CBFB: variants seen among roughly 807,000 people sequenced by gnomAD.
CBFB encodes the protein CBF-beta.
CBFB carries 9 observed loss-of-function variants against 30.4 expected under a neutral mutation model. The observed-to-expected ratio is 0.30, with a 90% CI of 0.18 to 0.52. The LOEUF (loss-of-function observed/expected upper bound fraction) is 0.52. Among genes scored for constraint, CBFB ranks in the 20% least tolerant of loss-of-function variants. The pLI is 0.97. For synonymous variants in CBFB, 94 were observed against 84.0 expected (o/e 1.12, Z -0.65); for missense variants, 170 against 244.0 (o/e 0.70, Z 2.02).
intron 3 of CBFB, among the ~76,000 whole-genome samples, chr16:67,046,864 A>G (rs1383517542): frequency 1.3e-5 from 2 of 152,226 alleles, no homozygotes; most frequent in African/African-American, 4.8e-5. Context: ...CAGACAAGCT[A>G]AAGTATAATA....
At chr16:67,031,174 G>A (rs1182212255) in intron 2 of CBFB, among the ~76,000 whole-genome samples, 1 of 152,144 alleles carries the variant, frequency 6.6e-6, no homozygotes, top group Non-Finnish European at 1.5e-5. Context: ...AAGCTTTTTA[G>A]AGTTGTAATA....
At position 67,088,216 on chromosome 16, in the gene CBFB, A is replaced by G. The variant is rs560216984; in HGVS notation, c.495+5908A>G. Among the ~76,000 whole-genome samples, 3 of 152,286 alleles carry G rather than the reference A, an allele frequency of 2.0e-5. No homozygotes were observed. In the East Asian group the frequency reaches 5.8e-4, roughly 29 times the overall value. ...GGGGTTTGTGTGTCTTTTGGCACTT[A>G]GCGTGTATATATTTTGCTTCTTTGT... On this transcript the variant is annotated intron_variant, in intron 5 of 5. Transcript: ENST00000412916.
chr16:67,086,618 T>A (rs1309237913), intron 5 of CBFB, among the ~76,000 whole-genome samples: 1 of 152,224 alleles, frequency 6.6e-6, no homozygotes, highest in East Asian at 1.9e-4. Context: ...GAGAGCCTGC[T>A]ATGATAGTTC....
chr16:67,031,907 G>A (rs1440385205), intron 2 of CBFB, among the ~76,000 whole-genome samples: 2 of 151,334 alleles, frequency 1.3e-5, no homozygotes, highest in East Asian at 2.0e-4. Context: ...AGGCACTACA[G>A]CCTCAAACTT....
At chr16:67,084,211 CAAGAT>C (rs1478844122) in intron 5 of CBFB, among the ~76,000 whole-genome samples, 1 of 118,638 alleles carries the variant, frequency 8.4e-6, no homozygotes, top group Non-Finnish European at 1.8e-5. Flanking sequence ...CAAAAATAAT[CAAGAT>C]AAGAACTAAT....
At chr16:67,092,698 C>CTTTTTTTTTTTTTTTTT (rs777213321) in intron 5 of CBFB, among the ~76,000 whole-genome samples, 3 of 33,528 alleles carry the variant, frequency 8.9e-5, no homozygotes, top group African/African-American at 1.1e-4. Context: ...GTGGTGCAAT[C>CTTTTTTTTTTTTTTTTT]TTTTTTTTTT....
intron 4 of CBFB, among the ~76,000 whole-genome samples, chr16:67,078,935 T>G (rs1961480380): frequency 6.6e-6 from 1 of 152,152 alleles, no homozygotes; most frequent in African/African-American, 2.4e-5. Flanking sequence ...CTTGAGCTTA[T>G]AGGTGTGAGC....
At chr16:67,055,179 TA>T (rs1272010652) in intron 3 of CBFB, among the ~76,000 whole-genome samples, 1 of 151,908 alleles carries the variant, frequency 6.6e-6, no homozygotes, top group Non-Finnish European at 1.5e-5. Flanking sequence ...GAAACCAAAT[TA>T]AAATAATTAT....
intron 3 of CBFB, among the ~76,000 whole-genome samples, chr16:67,054,562 T>G (rs1353171590): frequency 6.6e-6 from 1 of 152,152 alleles, no homozygotes; most frequent in Non-Finnish European, 1.5e-5. Context: ...ATGACTTCCT[T>G]TCTTATATTT....
chr16:67,065,386 A>G (rs944326156), intron 3 of CBFB, among the ~76,000 whole-genome samples: 2 of 152,158 alleles, frequency 1.3e-5, no homozygotes, highest in East Asian at 3.8e-4. Flanking sequence ...CTTATTTTCG[A>G]TATTTCTCTA....
chr16:67,048,823 CT>C (rs559010433), intron 3 of CBFB, among the ~76,000 whole-genome samples: 33 of 85,866 alleles, frequency 3.8e-4, no homozygotes, highest in Middle Eastern at 8.1e-3. Flanking sequence ...TTTTTTTTTT[CT>C]TTTTTTTTTT....
At position 67,035,357 on chromosome 16, in the gene CBFB, T is replaced by C. The variant is rs538719711; in HGVS notation, c.166-1282T>C. Among the ~76,000 whole-genome samples, 21 of 152,328 alleles carry C rather than the reference T, an allele frequency of 1.4e-4. No homozygotes were observed. The South Asian group carries it at 4.4e-3, about 32-fold the overall frequency. On this transcript the variant is annotated intron_variant, in intron 2 of 5. Coordinates refer to ENST00000412916, the MANE Select transcript of CBFB (RefSeq NM_022845.3). ...GCCTTGCCTCCCAAAGGGCTGGGAT[T>C]ACGAGTGTGAACCACTGCTCCTGGC...
Position 67,100,675 on chromosome 16 carries a change from A to T in CBFB, c.*1897A>T, listed in dbSNP as rs947679208. 1.4e-5 allele frequency: 3 copies of T among 219,416 alleles called. No individual in the cohort carries two copies. The East Asian group carries it at 2.0e-4, about 15-fold the overall frequency. 13.6% of individuals were successfully genotyped at this position (219,416 alleles called of 1,614,324 possible). On this transcript the variant is annotated 3_prime_UTR_variant, in exon 6 of 6. Transcript: ENST00000412916. ...ACATGATGATGGTACATTTTCCTCT[A>T]TTGTCTAGCTAAGGGCTTTCGGTCC...
At chr16:67,067,143 A>C (rs1261031048) in intron 4 of CBFB, among the ~76,000 whole-genome samples, 2 of 151,958 alleles carry the variant, frequency 1.3e-5, no homozygotes, top group African/African-American at 4.8e-5. Context: ...GTGCTTTTGG[A>C]ATGCTTGAGT....
chr16:67,076,920 T>TTG (rs886453832), intron 4 of CBFB, among the ~76,000 whole-genome samples: 10 of 152,072 alleles, frequency 6.6e-5, no homozygotes, highest in African/African-American at 9.7e-5. Flanking sequence ...TTTTTTTTCA[T>TTG]TGTCAGCTTT....
intron 3 of CBFB, among the ~76,000 whole-genome samples, chr16:67,046,135 ATC>A (rs1966623511): frequency 7.5e-6 from 1 of 134,116 alleles, no homozygotes; most frequent in African/African-American, 2.8e-5. Flanking sequence ...GAAACTAGAT[ATC>A]TCTCTGTCAC....
chr16:67,052,577 TA>T lies in CBFB; in HGVS notation c.283-14092del, dbSNP rs751681152. On this transcript the variant is annotated intron_variant, in intron 3 of 5. Transcript: ENST00000412916. The stretch of plus-strand genomic sequence containing the variant: ...GGTGAAGGAGGGAGACCCTGTCTCT[TA>T]AAAAAAAAAAAATGCCTGCTAGACA... Among the ~76,000 whole-genome samples the T allele has an allele frequency of 5.6e-3, 795 of 143,240 alleles. 1 individual carries two copies. Among genetic ancestry groups the T allele is most frequent in the African/African-American group, 8.8e-3 (344 of 39,250 alleles). The allele number at this position is 143,240 out of a possible 152,430, so 94.0% of individuals were successfully genotyped here.
At chr16:67,045,642 C>A (rs1219203139) in intron 3 of CBFB, among the ~76,000 whole-genome samples, 2 of 152,170 alleles carry the variant, frequency 1.3e-5, no homozygotes, top group Admixed American at 1.3e-4. Context: ...CCCGTTTTCT[C>A]TTCTTTTGGA....
At chr16:67,089,692 T>C (rs996722576) in intron 5 of CBFB, among the ~76,000 whole-genome samples, 17 of 152,254 alleles carry the variant, frequency 1.1e-4, no homozygotes, top group African/African-American at 4.1e-4. Flanking sequence ...TGGGGGTGTT[T>C]TTACGGAACC....
Sources: gnomAD v4.1 joint callset for allele counts (sites outside exome capture counted in the v4.1 genomes callset) on GRCh38, gnomAD v4.1.1 for gene constraint, MANE v1.5 for transcripts, NCBI Gene and HGNC (gene_info 2026-07-23, HGNC 2026-07-21) for gene names.